SYCP2L: variants seen among roughly 807,000 people sequenced by gnomAD.
SYCP2L encodes the protein synaptonemal complex protein 2-like.
Under a neutral mutation model 125.8 loss-of-function variants are expected in SYCP2L, and 98 were observed. The ratio of observed to expected loss-of-function variants is 0.78; its 90% CI spans 0.66 to 0.92. The LOEUF (loss-of-function observed/expected upper bound fraction) is 0.92, where lower values mean the gene tolerates loss of function less well. Ranked by LOEUF, SYCP2L falls within the 40% of genes least tolerant of loss-of-function variation. SYCP2L has a pLI of 0.00. For missense variants in SYCP2L, 842 were observed against 936.4 expected, an observed-to-expected ratio of 0.90 and a Z score of 1.32; for synonymous variants, 317 against 325.4, an observed-to-expected ratio of 0.97 and a Z score of 0.28.
Position 10,954,081 on chromosome 6 carries a change from G to A in SYCP2L, c.1955-1035G>A, listed in dbSNP as rs1386386604. Among the ~76,000 whole-genome samples, 1 of 152,078 alleles carries A rather than the reference G, an allele frequency of 6.6e-6. No individual in the cohort carries two copies. On this transcript the variant is annotated intron_variant, in intron 23 of 29. Coordinates refer to ENST00000283141, the MANE Select transcript of SYCP2L (RefSeq NM_001040274.3). The surrounding 1 kb of genome is among the most constrained non-coding windows in gnomAD (Gnocchi z 4.8). The stretch of plus-strand genomic sequence containing the variant: ...TGCCAGCCGCATCGCCCTGCCTCTC[G>A]CACATAGTAACGTCCACATATTCAT...
chr6:10,957,876 C>T (rs978916531), intron 25 of SYCP2L, among the ~76,000 whole-genome samples: 1 of 152,056 alleles, frequency 6.6e-6, no homozygotes, highest in Non-Finnish European at 1.5e-5. Flanking sequence ...GGGTTGGTGG[C>T]CGGCTGAGTG....
At chr6:10,907,949 C>T (rs1287212269) in intron 10 of SYCP2L, among the ~76,000 whole-genome samples, 1 of 129,144 alleles carries the variant, frequency 7.7e-6, no homozygotes, top group African/African-American at 2.9e-5. Context: ...AGTATAGTGG[C>T]GCAATCTCAG....
intron 6 of SYCP2L, among the ~76,000 whole-genome samples, chr6:10,899,632 T>C (rs535314745): frequency 6.6e-6 from 1 of 152,364 alleles, no homozygotes; most frequent in African/African-American, 2.4e-5. Flanking sequence ...ATTGGAGCCA[T>C]CTTGATATGT....
intron 24 of SYCP2L, 34 bp from the exon 25 acceptor site, chr6:10,956,102 T>A: frequency 6.5e-7 from 1 of 1,526,954 alleles, no homozygotes; most frequent in Non-Finnish European, 9.1e-7. Context: ...AACACTTTGT[T>A]AGTTTTATTC....
chr6:10,973,812 G>C (rs1157252046), intron 29 of SYCP2L, 140 bp from the exon 30 acceptor site: 2 of 152,242 alleles, frequency 1.3e-5, no homozygotes, highest in Non-Finnish European at 2.9e-5. Context: ...CATGTAAGAT[G>C]CTTCACTGAA....
chr6:10,940,104 A>T (rs1274561913), intron 21 of SYCP2L, among the ~76,000 whole-genome samples: 2 of 152,208 alleles, frequency 1.3e-5, no homozygotes, highest in African/African-American at 4.8e-5. Flanking sequence ...ATCACTGATC[A>T]TTAGAGAAAT....
At chr6:10,941,299 A>G (rs1475352482) in intron 21 of SYCP2L, among the ~76,000 whole-genome samples, 5 of 152,216 alleles carry the variant, frequency 3.3e-5, no homozygotes, top group African/African-American at 1.2e-4. Context: ...AAAATTGACA[A>G]ATGGGATCTA....
intron 28 of SYCP2L, 56 bp downstream of exon 28, chr6:10,961,614 T>A: frequency 6.4e-7 from 1 of 1,560,306 alleles, no homozygotes; most frequent in Non-Finnish European, 8.8e-7. Context: ...GAGGTAATGC[T>A]TTAGCTAGAG....
intron 15 of SYCP2L, among the ~76,000 whole-genome samples, chr6:10,925,941 A>G (rs1780889213): frequency 1.3e-5 from 2 of 152,140 alleles, no homozygotes; most frequent in African/African-American, 4.8e-5. Flanking sequence ...AGTTCCTAGA[A>G]TAGGAGGCCC....
intron 21 of SYCP2L, among the ~76,000 whole-genome samples, chr6:10,940,086 TA>T (rs1554107122): frequency 2.8e-5 from 4 of 142,746 alleles, no homozygotes; most frequent in Non-Finnish European, 6.2e-5. Flanking sequence ...TGGGTATATG[TA>T]CTCAACATCA....
chr6:10,955,274 C>A, intron 24 of SYCP2L, 57 bp downstream of exon 24: 2 of 1,046,580 alleles, frequency 1.9e-6, no homozygotes, highest in African/African-American at 1.6e-5. Flanking sequence ...TGGGTCAGCA[C>A]AGGATGTAAC....
At chr6:10,932,787 T>C (rs1263125376) in intron 20 of SYCP2L, among the ~76,000 whole-genome samples, 2 of 152,172 alleles carry the variant, frequency 1.3e-5, no homozygotes, top group Admixed American at 1.3e-4. Flanking sequence ...GGAGTCTTGC[T>C]CTGTCACCTA....
intron 12 of SYCP2L, among the ~76,000 whole-genome samples, chr6:10,911,909 T>C (rs1290866642): frequency 7.6e-6 from 1 of 131,568 alleles, no homozygotes; most frequent in Non-Finnish European, 1.6e-5. Flanking sequence ...TTTTTTTTTT[T>C]TTTTTTTTTT....
At chr6:10,927,886 G>C (rs1019754489) in intron 17 of SYCP2L, among the ~76,000 whole-genome samples, 1 of 152,116 alleles carries the variant, frequency 6.6e-6, no homozygotes, top group African/African-American at 2.4e-5. Context: ...ACCCTCAGGG[G>C]CGCATTCTCT....
At position 10,906,186 on chromosome 6, in the gene SYCP2L, T is replaced by G. The variant is rs1780485312; in HGVS notation, c.676+132T>G. 5.5e-6 allele frequency: 3 copies of G among 541,972 alleles called. No homozygotes were observed. In the South Asian group the frequency reaches 1.0e-4, roughly 19 times the overall value. The allele number at this position is 541,972 out of a possible 1,614,324, so 33.6% of individuals were successfully genotyped here. A position where few individuals can be genotyped will look rare whatever the true frequency, so the allele number is the denominator to read the frequency against. On this transcript the variant is annotated intron_variant, in intron 9 of 29. Coordinates refer to ENST00000283141, the MANE Select transcript of SYCP2L (RefSeq NM_001040274.3). ...AGGAATCAGGGTTTTATTTTAAATT[T>G]ATTTTGAGAGATTTTAGCATGCTGG...
chr6:10,897,933 G>T, intron 4 of SYCP2L, 78 bp from the exon 5 acceptor site: 2 of 941,652 alleles, frequency 2.1e-6, no homozygotes, highest in South Asian at 2.7e-5. Context: ...TTGTTGTAAT[G>T]AGAAAATTGT....
chr6:10,929,580 T>A (rs1780955530), intron 18 of SYCP2L, among the ~76,000 whole-genome samples: 1 of 152,196 alleles, frequency 6.6e-6, no homozygotes, highest in South Asian at 2.1e-4. Flanking sequence ...AAACTTGCCC[T>A]AAATCTCTAA....
intron 21 of SYCP2L, 91 bp from the exon 22 acceptor site, chr6:10,942,368 G>A: frequency 1.2e-6 from 1 of 807,970 alleles, no homozygotes; most frequent in South Asian, 2.1e-5. Flanking sequence ...CCTTTTTTTT[G>A]ATGATGAGAT....
intron 28 of SYCP2L, among the ~76,000 whole-genome samples, chr6:10,962,042 T>C (rs536955380): frequency 2.6e-5 from 4 of 152,338 alleles, no homozygotes; most frequent in African/African-American, 7.2e-5. Context: ...AAGCTCTTTC[T>C]ATCCATTTGG....
Sources: gnomAD v4.1 joint callset for allele counts (sites outside exome capture counted in the v4.1 genomes callset) on GRCh38, gnomAD v4.1.1 for gene constraint, Gnocchi (gnomAD v3.1) non-coding constraint, MANE v1.5 for transcripts, NCBI Gene and HGNC (gene_info 2026-07-23, HGNC 2026-07-21) for gene names.